IFT74: variants seen among roughly 807,000 people sequenced by gnomAD.
The protein encoded by IFT74 is intraflagellar transport 74, also known as intraflagellar transport protein 74 homolog.
In IFT74, 92 loss-of-function variants were observed where a neutral mutation model predicts 96.7. The observed-to-expected ratio is 0.95, with a 90% CI of 0.80 to 1.13. IFT74 has a LOEUF of 1.13. IFT74 is among the 50% of genes most tolerant of loss of function. IFT74 has a pLI of 0.00. For missense variants in IFT74, 811 were observed against 698.2 expected (o/e 1.16, Z -1.82); for synonymous variants, 223 against 213.2 (o/e 1.05, Z -0.40).
chr9:27,063,555 A>G lies in IFT74; in HGVS notation c.*819A>G, dbSNP rs1443081922. Among the ~76,000 whole-genome samples the G allele has an allele frequency of 2.0e-5, 3 of 152,044 alleles. No individual in the cohort carries two copies. The highest frequency in any genetic ancestry group is 2.1e-4 in the South Asian group (1 of 4,824). ...ATAGAGTCTGGAAGACATTATATTAACTGTAGATGTATCTTCTCTTATCGT... is the reference window on the plus strand; with the variant it reads ...ATAGAGTCTGGAAGACATTATATTAGCTGTAGATGTATCTTCTCTTATCGT... On this transcript the variant is annotated 3_prime_UTR_variant, in exon 20 of 20. Transcript: ENST00000380062.
chr9:27,059,090 C>T (rs1820298324), intron 18 of IFT74, among the ~76,000 whole-genome samples: 1 of 151,848 alleles, frequency 6.6e-6, no homozygotes. Context: ...TTCTTAGAGC[C>T]AGTGAGTGGT....
chr9:27,011,987 A>G lies in IFT74; in HGVS notation c.789+19A>G. The G allele has an allele frequency of 6.6e-7, 1 of 1,522,770 alleles. No individual in the cohort carries two copies. Among genetic ancestry groups the G allele is most frequent in the Non-Finnish European group, 8.9e-7 (1 of 1,122,122 alleles). The allele number at this position is 1,522,770 out of a possible 1,614,324, so 94.3% of individuals were successfully genotyped here. A position where few individuals can be genotyped will look rare whatever the true frequency, so the allele number is the denominator to read the frequency against. On this transcript the variant is annotated intron_variant, in intron 10 of 19. Transcript: ENST00000380062. ...GGAAGCAGTAAGTATAAAATCAAAT[A>G]AGGGTTCTCATACTACTCAGCTAAA...
intron 16 of IFT74, among the ~76,000 whole-genome samples, chr9:27,053,295 A>G (rs993415182): frequency 6.6e-6 from 1 of 151,634 alleles, no homozygotes; most frequent in African/African-American, 2.4e-5. Flanking sequence ...GGTGATGTAA[A>G]AATTTCAGGG....
intron 19 of IFT74, 134 bp downstream of exon 19, chr9:27,060,785 C>A: frequency 2.0e-6 from 1 of 502,728 alleles, no homozygotes; most frequent in Non-Finnish European, 3.6e-6. Flanking sequence ...GGTGAAACCC[C>A]ATCTCTACTA....
chr9:26,978,503 CAG>C (rs1827223448), intron 3 of IFT74, among the ~76,000 whole-genome samples: 1 of 152,022 alleles, frequency 6.6e-6, no homozygotes, highest in Non-Finnish European at 1.5e-5. Context: ...GGTTAAACAA[CAG>C]AGTGAATATG....
In IFT74 at chr9:26,980,631, A is replaced by T. The variant is rs765552284; in HGVS notation, c.305+12A>T. On this transcript the variant is annotated intron_variant, in intron 4 of 19. Transcript: ENST00000380062. ...CTTGGGCTTCTTAGGTATGTTAAAC[A>T]TATCTTTTCATCCGTATGTTTTACT... 4 of 1,546,856 alleles carry T rather than the reference A, an allele frequency of 2.6e-6. No homozygotes were observed. In the South Asian group the frequency reaches 4.5e-5, roughly 17 times the overall value.
intron 2 of IFT74, among the ~76,000 whole-genome samples, chr9:26,962,894 A>G: frequency 6.6e-6 from 1 of 151,734 alleles, no homozygotes; most frequent in East Asian, 1.9e-4. Context: ...ATATAGGATC[A>G]GAATCTTAAA....
upstream of IFT74, among the ~76,000 whole-genome samples, chr9:26,953,905 T>G (rs140139475): frequency 1.8e-4 from 27 of 152,356 alleles, no homozygotes; most frequent in East Asian, 3.1e-3. Context: ...CTGGGCTACA[T>G]AAGCGTAACT....
intron 8 of IFT74, among the ~76,000 whole-genome samples, chr9:27,004,100 A>C (rs889741350): frequency 5.9e-5 from 9 of 152,202 alleles, no homozygotes; most frequent in African/African-American, 2.2e-4. Flanking sequence ...AACTAGATTT[A>C]AGTTAAAAGT....
At chr9:27,010,266 G>A (rs1828991965) in intron 9 of IFT74, among the ~76,000 whole-genome samples, 1 of 152,048 alleles carries the variant, frequency 6.6e-6, no homozygotes, top group South Asian at 2.1e-4. Context: ...TGGTATTACA[G>A]GCATGAGCCA....
At chr9:26,947,971 C>T (rs1218850386) in intron 1 of IFT74, among the ~76,000 whole-genome samples, 1 of 152,166 alleles carries the variant, frequency 6.6e-6, no homozygotes, top group Non-Finnish European at 1.5e-5. Flanking sequence ...CCAGGGTAAA[C>T]ATGACCTGTC....
intron 12 of IFT74, among the ~76,000 whole-genome samples, chr9:27,027,964 CA>C (rs1829947496): frequency 6.6e-6 from 1 of 152,140 alleles, no homozygotes; most frequent in Non-Finnish European, 1.5e-5. Flanking sequence ...ATCTTTGATC[CA>C]TTTCAAGTTA....
intron 1 of IFT74, among the ~76,000 whole-genome samples, chr9:26,949,704 A>G (rs1825872754): frequency 6.6e-6 from 1 of 152,116 alleles, no homozygotes; most frequent in Non-Finnish European, 1.5e-5. Flanking sequence ...ACCTCCAAGA[A>G]TGTAGAGACT....
intron 16 of IFT74, among the ~76,000 whole-genome samples, chr9:27,052,547 C>G (rs769032682): frequency 1.4e-5 from 2 of 143,582 alleles, no homozygotes; most frequent in Admixed American, 1.4e-4. Flanking sequence ...ATTATGTGTT[C>G]TCCTGAGATG....
chr9:26,952,040 A>C (rs901775438), upstream of IFT74, among the ~76,000 whole-genome samples: 1 of 152,242 alleles, frequency 6.6e-6, no homozygotes, highest in Non-Finnish European at 1.5e-5. Context: ...AATTGTTTTC[A>C]AGCTTTTGGT....
At chr9:27,045,051 G>C (rs938960522) in intron 14 of IFT74, among the ~76,000 whole-genome samples, 67 of 152,196 alleles carry the variant, frequency 4.4e-4, no homozygotes, top group African/African-American at 1.4e-3. Flanking sequence ...AGTCTGTACA[G>C]AGGAAACCTA....
intron 4 of IFT74, 62 bp downstream of exon 4, chr9:26,980,681 A>G: frequency 9.5e-7 from 1 of 1,047,362 alleles, no homozygotes; most frequent in East Asian, 2.4e-5. Context: ...CCTTCTGTCA[A>G]AATAGAGTAT....
upstream of IFT74, chr9:26,956,285 CAA>C (rs1253572068): frequency 1.3e-5 from 2 of 152,220 alleles, no homozygotes; most frequent in Non-Finnish European, 2.9e-5. Flanking sequence ...GGTGAAGAAA[CAA>C]ACATATCCTC....
At chr9:26,987,495 T>G (rs115489788) in intron 6 of IFT74, among the ~76,000 whole-genome samples, 10,999 of 152,222 alleles carry the variant, frequency 0.072, 569 homozygotes, top group African/African-American at 0.14. Flanking sequence ...CCATATAAAA[T>G]ATGCTATTTA....
Sources: gnomAD v4.1 joint callset for allele counts (sites outside exome capture counted in the v4.1 genomes callset) on GRCh38, gnomAD v4.1.1 for gene constraint, MANE v1.5 for transcripts, NCBI Gene and HGNC (gene_info 2026-07-23, HGNC 2026-07-21) for gene names.